CCDC171: variants seen among roughly 807,000 people sequenced by gnomAD.
The protein encoded by CCDC171 is coiled-coil domain-containing protein 171.
A neutral mutation model predicts 168.2 loss-of-function variants in CCDC171; 177 were observed. The ratio of observed to expected loss-of-function variants is 1.05; its 90% CI spans 0.93 to 1.19. The LOEUF (loss-of-function observed/expected upper bound fraction) is 1.19. Among genes scored for constraint, CCDC171 ranks in the 50% most tolerant of loss-of-function variants. CCDC171 has a pLI of 0.00. For synonymous variants in CCDC171, 687 were observed against 540.8 expected, an observed-to-expected ratio of 1.27 and a Z score of -3.75; for missense variants, 1,991 against 1,539.0, an observed-to-expected ratio of 1.29 and a Z score of -4.91.
At chr9:15,596,367 A>G (rs1265247234) in intron 6 of CCDC171, among the ~76,000 whole-genome samples, 8 of 151,692 alleles carry the variant, frequency 5.3e-5, no homozygotes, top group Non-Finnish European at 1.0e-4. Flanking sequence ...ACATATGGCT[A>G]GCCAGTTTTC....
At chr9:15,926,204 A>G (rs1825870780) in intron 25 of CCDC171, among the ~76,000 whole-genome samples, 1 of 151,746 alleles carries the variant, frequency 6.6e-6, no homozygotes, top group African/African-American at 2.4e-5. Flanking sequence ...GGGAAGAGCA[A>G]TCAAAATATA....
chr9:16,025,550 C>T (rs1833260561), intron 6 of CCDC171, among the ~76,000 whole-genome samples: 1 of 152,118 alleles, frequency 6.6e-6, no homozygotes, highest in African/African-American at 2.4e-5. Flanking sequence ...CTCAAGTGTC[C>T]ATCAACCGAT....
At chr9:15,899,282 T>A (rs776872206) in intron 24 of CCDC171, among the ~76,000 whole-genome samples, 1 of 152,234 alleles carries the variant, frequency 6.6e-6, no homozygotes, top group African/African-American at 2.4e-5. Flanking sequence ...CTATTACATA[T>A]AAAGTTGCAT....
At chr9:15,728,112 G>A (rs1034964563) in intron 15 of CCDC171, 76 bp downstream of exon 15, 10 of 1,088,766 alleles carry the variant, frequency 9.2e-6, no homozygotes, top group Non-Finnish European at 9.1e-6. Flanking sequence ...ATTAAGAGGG[G>A]CTGACATTCA....
chr9:15,778,515 T>C (rs1410712558), intron 19 of CCDC171, among the ~76,000 whole-genome samples: 2 of 150,278 alleles, frequency 1.3e-5, no homozygotes, highest in African/African-American at 4.9e-5. Flanking sequence ...GGTGGGTGCC[T>C]CATGCCTCTA....
intron 11 of CCDC171, among the ~76,000 whole-genome samples, chr9:15,709,713 A>G (rs954040360): frequency 6.6e-6 from 1 of 152,206 alleles, no homozygotes; most frequent in Non-Finnish European, 1.5e-5. Context: ...CTATAAGAGC[A>G]GAAATATGTA....
intron 15 of CCDC171, 60 bp downstream of exon 15, chr9:15,728,096 A>T: frequency 7.8e-7 from 1 of 1,288,750 alleles, no homozygotes; most frequent in South Asian, 1.5e-5. Flanking sequence ...TCCACATCAC[A>T]GTATCATTAA....
chr9:16,093,738 T>A, the CCDC171 span, among the ~76,000 whole-genome samples: 43 of 152,316 alleles, frequency 2.8e-4, no homozygotes, highest in African/African-American at 9.6e-4. Context: ...CTGTATCTTG[T>A]GAATGACAGG....
At chr9:15,669,201 T>C (rs769615789) in intron 9 of CCDC171, among the ~76,000 whole-genome samples, 5 of 152,218 alleles carry the variant, frequency 3.3e-5, no homozygotes, top group Non-Finnish European at 7.3e-5. Flanking sequence ...GAAATTATTT[T>C]AGATGGAATG....
In CCDC171 at chr9:15,777,624, A is replaced by G. The variant is rs772588407; in HGVS notation, c.2696A>G (p.His899Arg). ...KADPNSRICG[H>R]LLIGAAKNSF... ...GATCCAAATTCCAGAATTTGTGGAC[A>G]TTTACTCATAGGTGCAGCCAAGAAT... The change falls in exon 19 of 26, where the codon CAT becomes CGT. Residue 899 changes from histidine (H) to arginine (R), a missense_variant. Physicochemically the swap from His to Arg is conservative, Grantham distance 29. Transcript: ENST00000380701. The G allele has an allele frequency of 6.2e-6, 10 of 1,608,506 alleles. No individual in the cohort carries two copies. The highest frequency in any genetic ancestry group is 2.7e-5 in the African/African-American group (2 of 74,634).
rs565691577 is a variant in CCDC171, at chr9:15,991,945, C to T, written n.369-28644C>T. Among the ~76,000 whole-genome samples, 53 of 152,232 alleles carry T rather than the reference C, an allele frequency of 3.5e-4. 1 individual carries two copies. The South Asian group carries it at 0.011, about 31-fold the overall frequency. On this transcript the variant is annotated intron_variant and non_coding_transcript_variant, in intron 3 of 9. Coordinates refer to the CCDC171 transcript ENST00000486641. ...AATTGAGGCAATAATTAATAGCCTA[C>T]CAACCAAAAAAAGTCCGGGATCAGG... is the stretch of plus-strand genomic sequence containing the variant.
At chr9:16,048,569 G>A (rs1371000860) in intron 1 of CCDC171, among the ~76,000 whole-genome samples, 1 of 152,110 alleles carries the variant, frequency 6.6e-6, no homozygotes, top group Admixed American at 6.5e-5. Context: ...CAGATTTGGG[G>A]GCAAAATTTT....
chr9:15,943,735 G>C (rs774714182), intron 25 of CCDC171, among the ~76,000 whole-genome samples: 2 of 151,934 alleles, frequency 1.3e-5, no homozygotes, highest in Non-Finnish European at 2.9e-5. Context: ...CAAGGTAGTT[G>C]TATCTGCACA....
chr9:15,814,295 T>A (rs79671715), intron 21 of CCDC171, among the ~76,000 whole-genome samples: 2,284 of 152,282 alleles, frequency 0.015, 68 homozygotes, highest in African/African-American at 0.052. Context: ...TTTAATGACA[T>A]GCTTCTTTGA....
the CCDC171 span, among the ~76,000 whole-genome samples, chr9:16,108,474 C>T: frequency 6.6e-6 from 1 of 152,180 alleles, no homozygotes; most frequent in East Asian, 1.9e-4. Flanking sequence ...ATGAGTGTCC[C>T]CATAGTATGC....
intron 21 of CCDC171, among the ~76,000 whole-genome samples, chr9:15,826,669 C>G (rs2060025946): frequency 6.6e-6 from 1 of 152,188 alleles, no homozygotes; most frequent in Non-Finnish European, 1.5e-5. Flanking sequence ...AAGCTAGCAT[C>G]TCATGCAACA....
At chr9:15,564,585 T>C (rs2039574667) in intron 2 of CCDC171, among the ~76,000 whole-genome samples, 1 of 152,258 alleles carries the variant, frequency 6.6e-6, no homozygotes. Flanking sequence ...TCTCTCAGTT[T>C]ACCCTTCAAG....
chr9:15,687,988 G>T (rs569089655), intron 10 of CCDC171, among the ~76,000 whole-genome samples: 9 of 151,836 alleles, frequency 5.9e-5, no homozygotes, highest in Admixed American at 5.2e-4. Flanking sequence ...GCAAGGTGGC[G>T]CATGCCTGTA....
intron 23 of CCDC171, among the ~76,000 whole-genome samples, chr9:15,860,040 C>G (rs574596165): frequency 3.2e-4 from 49 of 151,216 alleles, no homozygotes; most frequent in Non-Finnish European, 6.0e-4. Flanking sequence ...AGAATTTATC[C>G]GTTTCTTCTA....
Sources: gnomAD v4.1 joint callset for allele counts (sites outside exome capture counted in the v4.1 genomes callset) on GRCh38, gnomAD v4.1.1 for gene constraint, MANE v1.5 for transcripts, NCBI Gene and HGNC (gene_info 2026-07-23, HGNC 2026-07-21) for gene names.